SMG6: variants seen among roughly 807,000 people sequenced by gnomAD.
SMG6 encodes SMG6 nonsense mediated mRNA decay factor, also known as telomerase-binding protein EST1A.
SMG6 carries 66 observed loss-of-function variants against 142.2 expected under a neutral mutation model. The observed-to-expected ratio is 0.46, with a 90% CI of 0.38 to 0.57. The LOEUF (loss-of-function observed/expected upper bound fraction) is 0.57, where lower values mean the gene tolerates loss of function less well. Ranked by LOEUF, SMG6 falls within the 20% of genes least tolerant of loss-of-function variation. SMG6 has a pLI of 0.00. For synonymous variants in SMG6, 779 were observed against 702.4 expected (o/e 1.11, Z -1.72); for missense variants, 1,793 against 1,832.0 (o/e 0.98, Z 0.39).
Position 2,162,898 on chromosome 17 carries a change from C to A in SMG6, c.3357+9760G>T, listed in dbSNP as rs145074136. ...CCAGGCTGGAGTGCAGTGGTGCAAT[C>A]TAGGCTGAGTACAACCTCTGCCTCC... On this transcript the variant is annotated intron_variant, in intron 13 of 18. Coordinates refer to ENST00000263073, the MANE Select transcript of SMG6 (RefSeq NM_017575.5). Among the ~76,000 whole-genome samples the A allele has an allele frequency of 6.1e-4, 93 of 152,294 alleles. 1 individual carries two copies. Among genetic ancestry groups the A allele is most frequent in the African/African-American group, 2.1e-3 (86 of 41,552 alleles).
In SMG6 at chr17:2,071,482, A is replaced by C. The variant is rs931367828; in HGVS notation, c.3682-2551T>G. Among the ~76,000 whole-genome samples, 1 of 152,198 alleles carries C rather than the reference A, an allele frequency of 6.6e-6. No individual in the cohort carries two copies. The highest frequency in any genetic ancestry group is 1.5e-5 in the Non-Finnish European group (1 of 68,022). ...CCCCGGGTTCTTAGCTCTGGCTTGC[A>C]GCTAGAAAGGTGAATAGGCCGCAGC... On this transcript the variant is annotated intron_variant, in intron 15 of 18. Coordinates refer to ENST00000263073, the MANE Select transcript of SMG6 (RefSeq NM_017575.5). The surrounding 1 kb of genome is among the most constrained non-coding windows in gnomAD (Gnocchi z 5.6).
chr17:2,300,757 C>CA (rs926316068), intron 1 of SMG6, 93 bp from the exon 2 acceptor site: 3 of 1,199,974 alleles, frequency 2.5e-6, no homozygotes, highest in East Asian at 2.4e-5. Flanking sequence ...GGTTAAGTAA[C>CA]AAAAAAAGTC....
intron 15 of SMG6, among the ~76,000 whole-genome samples, chr17:2,073,653 G>A (rs1233012742): frequency 7.1e-6 from 1 of 141,042 alleles, no homozygotes; most frequent in Non-Finnish European, 1.5e-5. Context: ...AGGTTGCTGT[G>A]AGCCGAGATG....
chr17:2,297,053 G>T (rs1334429459), intron 4 of SMG6, among the ~76,000 whole-genome samples, 190 bp downstream of exon 4: 2 of 151,492 alleles, frequency 1.3e-5, no homozygotes, highest in Non-Finnish European at 2.9e-5. Flanking sequence ...AAAGGCTGGG[G>T]AGCACTGCTA....
rs910432530 is a variant in SMG6, at chr17:2,087,374, G to A, written c.3358-1473C>T. The A allele has an allele frequency of 1.3e-5, 15 of 1,193,358 alleles. No individual in the cohort carries two copies. In the African/African-American group the frequency reaches 2.2e-4, roughly 18 times the overall value. The allele number at this position is 1,193,358 out of a possible 1,614,324, so 73.9% of individuals were successfully genotyped here. On this transcript the variant is annotated intron_variant, in intron 13 of 18. Coordinates refer to ENST00000263073, the MANE Select transcript of SMG6 (RefSeq NM_017575.5). ...AAAGTGCGGCACACACCGGTCAACTGTGTGCTCTGTGGCTGCATCCTCTGC... is the reference window on the plus strand; with the variant it reads ...AAAGTGCGGCACACACCGGTCAACTATGTGCTCTGTGGCTGCATCCTCTGC...
intron 13 of SMG6, among the ~76,000 whole-genome samples, chr17:2,144,513 G>T (rs2070600236): frequency 6.6e-6 from 1 of 150,566 alleles, no homozygotes; most frequent in South Asian, 2.1e-4. Context: ...GGTCACCTTT[G>T]TTTATCCTTT....
intron 13 of SMG6, among the ~76,000 whole-genome samples, chr17:2,154,891 C>T (rs1597482859): frequency 6.6e-6 from 1 of 151,914 alleles, no homozygotes; most frequent in African/African-American, 2.4e-5. Context: ...CAAAAATTAG[C>T]GGGGTGTGGT....
At chr17:2,171,940 C>A (rs1278907113) in intron 13 of SMG6, among the ~76,000 whole-genome samples, 1 of 152,078 alleles carries the variant, frequency 6.6e-6, no homozygotes, top group Non-Finnish European at 1.5e-5. Flanking sequence ...GCTACTACTT[C>A]CCTAGCCTAG....
At chr17:2,148,906 A>G (rs561641845) in intron 13 of SMG6, among the ~76,000 whole-genome samples, 7 of 151,964 alleles carry the variant, frequency 4.6e-5, no homozygotes, top group Admixed American at 1.3e-4. Context: ...GATGGTTGTC[A>G]GGGGCTGTGG....
At chr17:2,180,754 G>A (rs1443044625) in intron 12 of SMG6, among the ~76,000 whole-genome samples, 2 of 152,192 alleles carry the variant, frequency 1.3e-5, no homozygotes, top group African/African-American at 2.4e-5. Flanking sequence ...AAGGAAGAGA[G>A]ATGAAAGAAG....
At chr17:2,113,175 C>T (rs2069392064) in intron 13 of SMG6, among the ~76,000 whole-genome samples, 1 of 152,144 alleles carries the variant, frequency 6.6e-6, no homozygotes, top group South Asian at 2.1e-4. Context: ...CAGTGATCCT[C>T]CCCGCGACTT....
At chr17:2,202,306 T>C (rs1327286589) in intron 10 of SMG6, among the ~76,000 whole-genome samples, 1 of 152,178 alleles carries the variant, frequency 6.6e-6, no homozygotes, top group East Asian at 1.9e-4. Flanking sequence ...CCTAGCACTT[T>C]GGGAAGCCAA....
rs1555528763 is a variant in SMG6, at chr17:2,061,465, C to CA, written c.*26_*27insT. The CA allele has an allele frequency of 2.0e-5, 27 of 1,359,472 alleles. No homozygotes were observed. Among genetic ancestry groups the CA allele is most frequent in the South Asian group, 8.0e-5 (6 of 74,966 alleles). 84.2% of individuals were successfully genotyped at this position (1,359,472 alleles called of 1,614,324 possible). ...TGGTGGCCTTTCAGGAACGGTTCCA[C>CA]GGGGGGGGGGCCCCAGTGTGGCTCC... On this transcript the variant is annotated 3_prime_UTR_variant, in exon 19 of 19. Transcript: ENST00000263073.
In SMG6 at chr17:2,283,676, G is replaced by T; in HGVS notation, c.2397C>A (p.Ile799=). 1 of 1,614,156 alleles carries T rather than the reference G, an allele frequency of 6.2e-7. No individual in the cohort carries two copies. The highest frequency in any genetic ancestry group is 8.5e-7 in the Non-Finnish European group (1 of 1,180,026). Residue 799 remains isoleucine, a synonymous_variant, in exon 7 of 19, where the codon ATC becomes ATA. Transcript: ENST00000263073. ...YMRSLAASNP[I]LTAKESLMSL... The stretch of plus-strand genomic sequence containing the variant: ...TCATGAGACTCTCCTTGGCAGTCAG[G>T]ATAGGGTTGCTGGCAGCTAAACTGC...
chr17:2,066,989 C>T (rs1052207993), intron 16 of SMG6, among the ~76,000 whole-genome samples: 19 of 152,140 alleles, frequency 1.2e-4, no homozygotes, highest in African/African-American at 4.6e-4. Context: ...TAACCCTTTG[C>T]TGCTCTGGGC....
At chr17:2,081,178 G>A (rs1479068276) in intron 15 of SMG6, among the ~76,000 whole-genome samples, 3 of 152,148 alleles carry the variant, frequency 2.0e-5, no homozygotes, top group African/African-American at 7.2e-5. Flanking sequence ...CCTCTTCCCT[G>A]TCTGCCCCGA....
At chr17:2,122,977 C>A (rs59894887) in intron 13 of SMG6, among the ~76,000 whole-genome samples, 1 of 152,216 alleles carries the variant, frequency 6.6e-6, no homozygotes. Flanking sequence ...GAAAGCCACT[C>A]TCTGTAAATG....
Position 2,116,111 on chromosome 17 carries a change from C to T in SMG6, c.3358-30210G>A, listed in dbSNP as rs549545186. On this transcript the variant is annotated intron_variant, in intron 13 of 18. Transcript: ENST00000263073. ...TTTGAGACAGGATCTCGCTGTGTTG[C>T]CCAGGCTAGAGTGCAGTGGCATGAT... Among the ~76,000 whole-genome samples, 8 of 152,248 alleles carry T rather than the reference C, an allele frequency of 5.3e-5. No homozygotes were observed. In the South Asian group the frequency reaches 1.4e-3, roughly 28 times the overall value.
At chr17:2,221,330 G>C (rs947480947) in intron 10 of SMG6, among the ~76,000 whole-genome samples, 3 of 152,104 alleles carry the variant, frequency 2.0e-5, no homozygotes, top group African/African-American at 4.8e-5. Flanking sequence ...TTGTTTTAAA[G>C]TCTGTAGCCC....
Sources: gnomAD v4.1 joint callset for allele counts (sites outside exome capture counted in the v4.1 genomes callset) on GRCh38, gnomAD v4.1.1 for gene constraint, Gnocchi (gnomAD v3.1) non-coding constraint, MANE v1.5 for transcripts, NCBI Gene and HGNC (gene_info 2026-07-23, HGNC 2026-07-21) for gene names.